Variants in CNTNAP2 observed in about 807,000 individuals in gnomAD.
CNTNAP2 encodes contactin-associated protein-like 2.
CNTNAP2 carries 98 observed loss-of-function variants against 155.2 expected under a neutral mutation model. The ratio of observed to expected loss-of-function variants is 0.63; its 90% CI spans 0.54 to 0.75. CNTNAP2 has a LOEUF of 0.75. CNTNAP2 is among the 30% of genes least tolerant of loss of function. The pLI is 0.00. For missense variants in CNTNAP2, 1,727 were observed against 1,688.1 expected (o/e 1.02, Z -0.40); for synonymous variants, 651 against 631.2 (o/e 1.03, Z -0.47).
intron 1 of CNTNAP2, among the ~76,000 whole-genome samples, chr7:146,302,659 C>T (rs750344987): frequency 6.6e-5 from 10 of 152,106 alleles, no homozygotes; most frequent in South Asian, 2.1e-4. Flanking sequence ...TTAAACAGCA[C>T]GGCATATGGC....
chr7:147,021,653 T>C (rs1329235013), intron 3 of CNTNAP2, among the ~76,000 whole-genome samples: 1 of 152,182 alleles, frequency 6.6e-6, no homozygotes, highest in East Asian at 1.9e-4. Context: ...TTCTTCCTCC[T>C]CCTACTGGTT....
chr7:147,779,860 C>T (rs1192716085), intron 13 of CNTNAP2, among the ~76,000 whole-genome samples: 1 of 152,184 alleles, frequency 6.6e-6, no homozygotes, highest in African/African-American at 2.4e-5. Context: ...AGCAGAAAAG[C>T]ATCACACTTT....
intron 3 of CNTNAP2, among the ~76,000 whole-genome samples, chr7:146,876,151 C>G (rs1281481556): frequency 6.6e-6 from 1 of 151,850 alleles, no homozygotes; most frequent in Non-Finnish European, 1.5e-5. Flanking sequence ...TCAGTCAGGA[C>G]TGAGAGATCT....
chr7:146,898,452 A>T (rs931680931), intron 3 of CNTNAP2, among the ~76,000 whole-genome samples: 2 of 151,984 alleles, frequency 1.3e-5, no homozygotes, highest in Non-Finnish European at 2.9e-5. Context: ...GAGAGTTTCA[A>T]CCACTTTATT....
chr7:146,726,918 C>T (rs967362359), intron 1 of CNTNAP2, among the ~76,000 whole-genome samples: 1 of 152,220 alleles, frequency 6.6e-6, no homozygotes, highest in South Asian at 2.1e-4. Context: ...TAAAAATAAA[C>T]CACACAGTCA....
chr7:147,390,212 T>C (rs1393309643), intron 9 of CNTNAP2, among the ~76,000 whole-genome samples: 1 of 152,192 alleles, frequency 6.6e-6, no homozygotes. Flanking sequence ...CTGTCAATAT[T>C]CCACCAGTTA....
At chr7:147,003,515 G>A (rs1191449364) in intron 3 of CNTNAP2, among the ~76,000 whole-genome samples, 1 of 151,422 alleles carries the variant, frequency 6.6e-6, no homozygotes, top group Non-Finnish European at 1.5e-5. Context: ...TAAAAAATGG[G>A]GAATAGAGGA....
chr7:147,529,563 C>CTTGT (rs1033652989), intron 11 of CNTNAP2, among the ~76,000 whole-genome samples: 2 of 151,018 alleles, frequency 1.3e-5, no homozygotes, highest in Non-Finnish European at 3.0e-5. Context: ...TTTCTATTTT[C>CTTGT]TTGTTTGTTT....
At chr7:148,338,566 G>C (rs1798164570) in intron 21 of CNTNAP2, among the ~76,000 whole-genome samples, 1 of 152,006 alleles carries the variant, frequency 6.6e-6, no homozygotes, top group Non-Finnish European at 1.5e-5. Flanking sequence ...GGGTGAGGGG[G>C]GGGTGAGTTA....
At chr7:146,504,359 A>G (rs748871703) in intron 1 of CNTNAP2, among the ~76,000 whole-genome samples, 2 of 152,214 alleles carry the variant, frequency 1.3e-5, no homozygotes, top group African/African-American at 2.4e-5. Context: ...TAAGGCTGTC[A>G]GCTGCCTTGA....
intron 9 of CNTNAP2, among the ~76,000 whole-genome samples, chr7:147,371,420 A>G (rs1796336056): frequency 6.6e-6 from 1 of 152,196 alleles, no homozygotes; most frequent in Admixed American, 6.6e-5. Context: ...TACACAGCCT[A>G]GTGAATAATA....
chr7:147,702,937 G>A (rs1468746058), intron 13 of CNTNAP2, among the ~76,000 whole-genome samples: 1 of 152,016 alleles, frequency 6.6e-6, no homozygotes. Context: ...CCCCTGCCCC[G>A]GTAAAACCAA....
Position 146,120,384 on chromosome 7 carries a change from G to A in CNTNAP2, c.97+3411G>A, listed in dbSNP as rs187093419. ...TAATTGGAGAGAAATGTATAATCTC[G>A]ATTTTATTATAGGCACGGATATTCA... is the stretch of plus-strand genomic sequence containing the variant. On this transcript the variant is annotated intron_variant, in intron 1 of 23. Transcript: ENST00000361727. 2.0e-5 allele frequency among the ~76,000 whole-genome samples: 3 copies of A among 152,162 alleles called. No individual in the cohort carries two copies. The East Asian group carries it at 5.8e-4, about 29-fold the overall frequency.
intron 2 of CNTNAP2, chr7:146,786,920 C>T (rs1349950371): frequency 6.6e-6 from 1 of 152,170 alleles, no homozygotes; most frequent in Non-Finnish European, 1.5e-5. Flanking sequence ...TGTCTGTAAC[C>T]ACCACCTCAC....
chr7:146,850,165 G>A (rs1052772141), intron 3 of CNTNAP2, among the ~76,000 whole-genome samples: 2 of 152,166 alleles, frequency 1.3e-5, no homozygotes, highest in African/African-American at 2.4e-5. Flanking sequence ...CTGTCTGAAA[G>A]GTTCATTCAC....
chr7:147,037,218 A>G (rs906232166), intron 3 of CNTNAP2, among the ~76,000 whole-genome samples: 22 of 152,098 alleles, frequency 1.4e-4, no homozygotes, highest in Non-Finnish European at 3.2e-4. Context: ...TAAATAGACC[A>G]GATATCAAAT....
chr7:147,776,716 T>A (rs1425772870), intron 13 of CNTNAP2, among the ~76,000 whole-genome samples: 1 of 152,098 alleles, frequency 6.6e-6, no homozygotes, highest in African/African-American at 2.4e-5. Flanking sequence ...TTTTTGATTC[T>A]AAGAGCAGGT....
intron 17 of CNTNAP2, among the ~76,000 whole-genome samples, chr7:148,163,471 T>G (rs1805590778): frequency 2.6e-5 from 4 of 152,172 alleles, no homozygotes. Context: ...CATTTCACAT[T>G]TGGACACATA....
intron 8 of CNTNAP2, among the ~76,000 whole-genome samples, chr7:147,204,529 C>T (rs1463983061): frequency 6.6e-6 from 1 of 151,944 alleles, no homozygotes; most frequent in African/African-American, 2.4e-5. Context: ...CAGTGAAATC[C>T]ATAGTAAACT....
Sources: gnomAD v4.1 joint callset for allele counts (sites outside exome capture counted in the v4.1 genomes callset) on GRCh38, gnomAD v4.1.1 for gene constraint, MANE v1.5 for transcripts, NCBI Gene and HGNC (gene_info 2026-07-23, HGNC 2026-07-21) for gene names.